REV3L: variants seen among roughly 807,000 people sequenced by gnomAD.
The protein encoded by REV3L is REV3 like, DNA directed polymerase zeta catalytic subunit.
REV3L carries 69 observed loss-of-function variants against 299.4 expected under a neutral mutation model. The observed-to-expected ratio is 0.23, with a 90% CI of 0.19 to 0.28. REV3L has a LOEUF of 0.28. REV3L is among the 10% of genes least tolerant of loss of function. The probability of loss-of-function intolerance (pLI) is 1.00; values close to 1 mark genes in which losing one functional copy is unlikely to be tolerated. For missense variants in REV3L, 3,128 were observed against 3,693.8 expected (o/e 0.85, Z 3.97); for synonymous variants, 1,238 against 1,271.4 (o/e 0.97, Z 0.56).
At chr6:111,472,877 T>C (rs1300245506) in intron 1 of REV3L, among the ~76,000 whole-genome samples, 1 of 152,190 alleles carries the variant, frequency 6.6e-6, no homozygotes, top group Non-Finnish European at 1.5e-5. Flanking sequence ...TACTTTTACT[T>C]ATAATTTGTT....
At chr6:111,386,931 A>C (rs554758758) in intron 9 of REV3L, among the ~76,000 whole-genome samples, 1 of 152,152 alleles carries the variant, frequency 6.6e-6, no homozygotes, top group African/African-American at 2.4e-5. Flanking sequence ...CATGTTGGCC[A>C]GGCTGGTTGC....
rs370537913 is a variant in REV3L, at chr6:111,375,177, C to T, written c.3178G>A (p.Gly1060Ser). ...TCATTATTTGTCCTTTGTTGTTTAC[C>T]AGTTTTTTTCTTAGCAGATTTATGT... Reference protein sequence around the residue: ...SKHKSAKKKTGKQQRTNNENI... With the variant: ...SKHKSAKKKTSKQQRTNNENI... Residue 1060 changes from glycine (G) to serine (S), a missense_variant, in exon 13 of 32, where the codon GGT becomes AGT. Coordinates refer to ENST00000368802, the MANE Select transcript of REV3L (RefSeq NM_001372078.1). 3.1e-6 allele frequency: 5 copies of T among 1,608,714 alleles called. No homozygotes were observed. The African/African-American group carries it at 6.7e-5, about 22-fold the overall frequency.
At chr6:111,422,208 T>A (rs1785435984) in intron 1 of REV3L, among the ~76,000 whole-genome samples, 1 of 152,160 alleles carries the variant, frequency 6.6e-6, no homozygotes, top group Non-Finnish European at 1.5e-5. Flanking sequence ...TTATGTTATA[T>A]CTGTATAATA....
At chr6:111,435,285 G>A (rs1220802855) in intron 1 of REV3L, among the ~76,000 whole-genome samples, 4 of 152,112 alleles carry the variant, frequency 2.6e-5, no homozygotes, top group South Asian at 2.1e-4. Flanking sequence ...TATAAATGAC[G>A]TTCTTCACAG....
At chr6:111,483,637 G>A (rs1171393336), upstream of REV3L, 2 of 434,490 alleles carry the variant, frequency 4.6e-6, no homozygotes, top group Non-Finnish European at 9.2e-6. Context: ...GAGGAGGCGG[G>A]GGCAGCCGCT....
rs1438232799 is a variant in REV3L, at chr6:111,373,296, G to C, written c.5059C>G (p.Pro1687Ala). The change falls in exon 13 of 32, where the codon CCA becomes GCA. Residue 1687 changes from proline to alanine, a missense_variant. Around this residue, in one of 9 missense-constraint regions of REV3L, gnomAD observed 2,409 missense variants for 2,611.8 expected, o/e 0.92. Coordinates refer to ENST00000368802, the MANE Select transcript of REV3L (RefSeq NM_001372078.1). Reference sequence around the variant, plus strand: ...TCATTTTTTTCTATAGCTTGTCCTGGAAAAAGATCCTGAACAGCATCACTT... The same window carrying C: ...TCATTTTTTTCTATAGCTTGTCCTGCAAAAAGATCCTGAACAGCATCACTT... ...FLSDAVQDLF[P>A]GQAIEKNEFL... 1.9e-6 allele frequency: 3 copies of C among 1,613,918 alleles called. No homozygotes were observed. The highest frequency in any genetic ancestry group is 2.5e-6 in the Non-Finnish European group (3 of 1,179,962).
chr6:111,315,295 GGA>G lies in REV3L; in HGVS notation c.8436_8437del (p.Pro2813Ter). 1 of 1,613,940 alleles carries G rather than the reference GGA, an allele frequency of 6.2e-7. No individual in the cohort carries two copies. The highest frequency in any genetic ancestry group is 8.5e-7 in the Non-Finnish European group (1 of 1,179,960). ...TTCAAACTTCAATTTCACTGGTTTAGGATTGGTAGCAGTTACAGCTTCGGCAA... is the reference window on the plus strand; with the variant it reads ...TTCAAACTTCAATTTCACTGGTTTAGTTGGTAGCAGTTACAGCTTCGGCAA... On this transcript the variant is annotated frameshift_variant, in exon 27 of 32. Coordinates refer to ENST00000368802, the MANE Select transcript of REV3L (RefSeq NM_001372078.1). LOFTEE classifies it high-confidence loss of function.
At chr6:111,392,838 T>C (rs1267927900) in intron 5 of REV3L, 38 bp downstream of exon 5, 1 of 1,257,182 alleles carries the variant, frequency 8.0e-7, no homozygotes, top group Non-Finnish European at 1.2e-6. Context: ...AACTAGGATA[T>C]ATGTAAAATT....
At position 111,325,844 on chromosome 6, in the gene REV3L, A is replaced by T. The variant is rs141702254; in HGVS notation, c.8242-3166T>A. ...CAATAAGTTGCTGTTCACTATAGTT[A>T]CTGTGCTACTAAATACTATATTTTA... On this transcript the variant is annotated intron_variant, in intron 25 of 31. Coordinates refer to ENST00000368802, the MANE Select transcript of REV3L (RefSeq NM_001372078.1). 3.8e-3 allele frequency among the ~76,000 whole-genome samples: 572 copies of T among 152,320 alleles called. 4 individuals are homozygous for T. The highest frequency in any genetic ancestry group is 0.013 in the African/African-American group (549 of 41,580).
intron 2 of REV3L, chr6:111,412,092 C>T (rs1784307691): frequency 1.0e-6 from 1 of 984,890 alleles, no homozygotes; most frequent in African/African-American, 1.7e-5. Context: ...TTTATAAGTT[C>T]AATAAGCAGA....
chr6:111,445,930 G>T (rs1311621339), intron 1 of REV3L, among the ~76,000 whole-genome samples: 1 of 152,120 alleles, frequency 6.6e-6, no homozygotes, highest in Non-Finnish European at 1.5e-5. Context: ...CATATGAGTG[G>T]GGCTGAAATA....
At position 111,299,406 on chromosome 6, in the gene REV3L, AAAAAAT is replaced by A. The variant is rs1262634025; in HGVS notation, c.*604_*609del. ...CTAAAGCAAGACAGCATTTTTTAAA[AAAAAAT>A]AATGTTTCAAAATGCTACACGTGGT... On this transcript the variant is annotated 3_prime_UTR_variant, in exon 32 of 32. Coordinates refer to ENST00000368802, the MANE Select transcript of REV3L (RefSeq NM_001372078.1). The A allele has an allele frequency of 3.6e-4, 5 of 13,970 alleles. No individual in the cohort carries two copies. The highest frequency in any genetic ancestry group is 3.2e-3 in the Admixed American group (3 of 946). 0.9% of individuals were successfully genotyped at this position (13,970 alleles called of 1,614,324 possible). A position where few individuals can be genotyped will look rare whatever the true frequency, so the allele number is the denominator to read the frequency against.
intron 1 of REV3L, among the ~76,000 whole-genome samples, chr6:111,421,444 C>T (rs1165081874): frequency 1.3e-5 from 2 of 152,032 alleles, no homozygotes; most frequent in African/African-American, 4.8e-5. Context: ...GCTGTTGTAG[C>T]CTGGAAGCAG....
chr6:111,437,307 T>C (rs963368123), intron 1 of REV3L, among the ~76,000 whole-genome samples: 4 of 152,138 alleles, frequency 2.6e-5, no homozygotes, highest in African/African-American at 4.8e-5. Flanking sequence ...AGCAGCATTA[T>C]TCATAATGGT....
intron 28 of REV3L, chr6:111,313,147 A>C (rs1406820740): frequency 2.5e-6 from 1 of 407,202 alleles, no homozygotes; most frequent in Admixed American, 4.5e-5. Flanking sequence ...TGGGTGACAA[A>C]GTGAGACCCT....
intron 1 of REV3L, among the ~76,000 whole-genome samples, chr6:111,443,985 C>G (rs1398663553): frequency 6.6e-6 from 1 of 152,168 alleles, no homozygotes; most frequent in African/African-American, 2.4e-5. Flanking sequence ...ATATTCCAAA[C>G]CAAACAGAAA....
intron 1 of REV3L, among the ~76,000 whole-genome samples, chr6:111,451,532 C>A (rs774783118): frequency 6.6e-6 from 1 of 152,048 alleles, no homozygotes; most frequent in Non-Finnish European, 1.5e-5. Flanking sequence ...CCAACTATAA[C>A]CAGGAGGTCA....
At chr6:111,471,982 C>T in intron 1 of REV3L, 1 of 1,150,058 alleles carries the variant, frequency 8.7e-7, no homozygotes, top group Non-Finnish European at 1.1e-6. Flanking sequence ...CCCCCTCACC[C>T]CCAATATATT....
chr6:111,451,533 CAGG>C (rs1422542722), intron 1 of REV3L, among the ~76,000 whole-genome samples: 2 of 152,034 alleles, frequency 1.3e-5, no homozygotes, highest in African/African-American at 4.8e-5. Context: ...CAACTATAAC[CAGG>C]AGGTCAGAAA....
Sources: gnomAD v4.1 joint callset for allele counts (sites outside exome capture counted in the v4.1 genomes callset) on GRCh38, gnomAD v4.1.1 for gene constraint, gnomAD v4.1.1 regional missense constraint, MANE v1.5 for transcripts, NCBI Gene and HGNC (gene_info 2026-07-23, HGNC 2026-07-21) for gene names.